PTPRK: variants seen among roughly 807,000 people sequenced by gnomAD.
The protein encoded by PTPRK is protein tyrosine phosphatase receptor type K, also known as receptor-type tyrosine-protein phosphatase kappa.
In PTPRK, 75 loss-of-function variants were observed where a neutral mutation model predicts 178.0. That is an observed-to-expected ratio of 0.42 (90% CI 0.35 to 0.51). The LOEUF is 0.51. Ranked by LOEUF, PTPRK falls within the 20% of genes least tolerant of loss-of-function variation. The pLI, the probability that PTPRK is intolerant of heterozygous loss-of-function variation, is 0.02. For missense variants in PTPRK, 1,441 were observed against 1,797.8 expected (o/e 0.80, Z 3.59); for synonymous variants, 637 against 620.6 (o/e 1.03, Z -0.39).
chr6:128,471,604 T>TAAAAA (rs34372021), intron 1 of PTPRK, among the ~76,000 whole-genome samples: 1 of 63,600 alleles, frequency 1.6e-5, no homozygotes, highest in African/African-American at 5.5e-5. Flanking sequence ...CAAAACAACC[T>TAAAAA]AAAAAAAAAA....
chr6:128,278,438 G>A (rs1175763379), intron 3 of PTPRK, among the ~76,000 whole-genome samples: 4 of 152,132 alleles, frequency 2.6e-5, no homozygotes, highest in Non-Finnish European at 5.9e-5. Context: ...TTACAGGCGT[G>A]AGCCACTGCA....
chr6:128,462,575 G>C (rs1849198531), intron 1 of PTPRK, among the ~76,000 whole-genome samples: 2 of 152,046 alleles, frequency 1.3e-5, no homozygotes, highest in East Asian at 1.9e-4. Flanking sequence ...GGAACATGAA[G>C]TGAAAACAGA....
At chr6:127,970,420 T>C (rs1368489763) in intron 29 of PTPRK, 140 bp from the exon 30 acceptor site, 1 of 534,584 alleles carries the variant, frequency 1.9e-6, no homozygotes. Flanking sequence ...GAGATTAATA[T>C]CTAGGCATAC....
chr6:127,976,220 T>G (rs549962608), intron 27 of PTPRK, among the ~76,000 whole-genome samples: 108 of 152,352 alleles, frequency 7.1e-4, no homozygotes, highest in Middle Eastern at 6.8e-3. Context: ...CCTTCTATAA[T>G]GGTTGATCCA....
At chr6:128,004,766 T>C (rs1355063683) in intron 15 of PTPRK, among the ~76,000 whole-genome samples, 1 of 151,856 alleles carries the variant, frequency 6.6e-6, no homozygotes, top group Non-Finnish European at 1.5e-5. Context: ...AATTCTGACA[T>C]GAACTAACTT....
At position 127,983,299 on chromosome 6, in the gene PTPRK, A is replaced by G; in HGVS notation, c.3330T>C (p.Asp1110=). The G allele has an allele frequency of 6.2e-7, 1 of 1,613,746 alleles. No individual in the cohort carries two copies. Residue 1110 remains aspartate (D), a synonymous_variant, in exon 23 of 30, where the codon GAT becomes GAC. Coordinates refer to ENST00000368226, the MANE Select transcript of PTPRK (RefSeq NM_002844.4). The part of the protein sequence containing the change: ...LDMAEREGVV[D]IYNCVKALRS... The stretch of plus-strand genomic sequence containing the variant: ...TTAAGGCTTTGACACAATTGTAAAT[A>G]TCAACAACACCCTCTCTTTCAGCCA...
At chr6:128,029,526 C>T (rs887227853) in intron 13 of PTPRK, among the ~76,000 whole-genome samples, 5 of 151,734 alleles carry the variant, frequency 3.3e-5, no homozygotes, top group African/African-American at 1.2e-4. Flanking sequence ...TGGCGGGCAC[C>T]TGTAATCCGA....
intron 1 of PTPRK, among the ~76,000 whole-genome samples, chr6:128,516,806 A>C (rs1442392415): frequency 1.3e-5 from 2 of 152,142 alleles, no homozygotes; most frequent in Non-Finnish European, 2.9e-5. Context: ...CTCAACACAG[A>C]GTTGAAAACC....
chr6:128,196,019 T>G (rs975511039), intron 6 of PTPRK, among the ~76,000 whole-genome samples: 1 of 152,060 alleles, frequency 6.6e-6, no homozygotes, highest in African/African-American at 2.4e-5. Context: ...GTCACTGACT[T>G]TAGGTAAGCT....
chr6:128,051,141 G>T (rs1428809689), intron 13 of PTPRK, among the ~76,000 whole-genome samples: 1 of 152,074 alleles, frequency 6.6e-6, no homozygotes, highest in African/African-American at 2.4e-5. Flanking sequence ...TAAAAGATAT[G>T]TTTCTGCATT....
intron 27 of PTPRK, among the ~76,000 whole-genome samples, chr6:127,975,401 T>C (rs979293427): frequency 7.9e-5 from 12 of 152,296 alleles, no homozygotes; most frequent in African/African-American, 2.9e-4. Flanking sequence ...TTTTCTCCAC[T>C]GAAATGAGCA....
chr6:128,479,113 G>A (rs1007507038), intron 1 of PTPRK, among the ~76,000 whole-genome samples: 7 of 152,014 alleles, frequency 4.6e-5, no homozygotes, highest in African/African-American at 1.7e-4. Context: ...GTTGAAAAAA[G>A]GGTGCTTAAT....
intron 11 of PTPRK, among the ~76,000 whole-genome samples, chr6:128,068,144 T>A (rs988834580): frequency 4.6e-5 from 7 of 152,228 alleles, no homozygotes; most frequent in African/African-American, 1.7e-4. Flanking sequence ...TATTTTTAAA[T>A]GTTTAAAGTT....
At chr6:128,028,259 C>T (rs770795284) in intron 13 of PTPRK, among the ~76,000 whole-genome samples, 2 of 152,052 alleles carry the variant, frequency 1.3e-5, no homozygotes, top group Non-Finnish European at 2.9e-5. Context: ...TTTAAGTAAG[C>T]ACCTGATAAA....
chr6:128,470,477 G>C (rs576962610), intron 1 of PTPRK, among the ~76,000 whole-genome samples: 3 of 151,956 alleles, frequency 2.0e-5, no homozygotes, highest in Non-Finnish European at 2.9e-5. Context: ...TAATAGCCTA[G>C]TGCTTTTCAC....
At chr6:128,473,601 C>A (rs1440050278) in intron 1 of PTPRK, among the ~76,000 whole-genome samples, 1 of 151,774 alleles carries the variant, frequency 6.6e-6, no homozygotes, top group Non-Finnish European at 1.5e-5. Context: ...TTTTTACGAT[C>A]AGAAATCAGA....
At chr6:128,500,112 C>T (rs1258987732) in intron 1 of PTPRK, among the ~76,000 whole-genome samples, 1 of 152,182 alleles carries the variant, frequency 6.6e-6, no homozygotes, top group Non-Finnish European at 1.5e-5. Context: ...GAGAAACATA[C>T]ACCAATGGCT....
intron 5 of PTPRK, among the ~76,000 whole-genome samples, chr6:128,223,487 A>G (rs990756635): frequency 2.0e-5 from 3 of 152,102 alleles, no homozygotes; most frequent in Admixed American, 2.0e-4. Flanking sequence ...GATATATTAC[A>G]TGATGCTTAT....
chr6:128,027,719 C>A (rs370372640), intron 13 of PTPRK, among the ~76,000 whole-genome samples: 2 of 152,104 alleles, frequency 1.3e-5, no homozygotes, highest in African/African-American at 4.8e-5. Flanking sequence ...CTCAGCCACC[C>A]GAGTAGCTGG....
Sources: gnomAD v4.1 joint callset for allele counts (sites outside exome capture counted in the v4.1 genomes callset) on GRCh38, gnomAD v4.1.1 for gene constraint, MANE v1.5 for transcripts, NCBI Gene and HGNC (gene_info 2026-07-23, HGNC 2026-07-21) for gene names.